Variants in CLN6 observed in about 807,000 individuals in gnomAD.
CLN6 encodes the protein ceroid-lipofuscinosis neuronal protein 6.
In CLN6, 22 loss-of-function variants were observed where a neutral mutation model predicts 33.3. That is an observed-to-expected ratio of 0.66 (90% CI 0.47 to 0.94). The LOEUF (loss-of-function observed/expected upper bound fraction) is 0.94. Ranked by LOEUF, CLN6 falls within the 40% of genes least tolerant of loss-of-function variation. The probability of loss-of-function intolerance (pLI) is 0.00; values close to 1 mark genes in which losing one functional copy is unlikely to be tolerated. For missense variants in CLN6, 387 were observed against 417.1 expected (o/e 0.93, Z 0.63); for synonymous variants, 201 against 174.6 (o/e 1.15, Z -1.19).
At chr15:68,224,216 T>C (rs995367723) in intron 1 of CLN6, among the ~76,000 whole-genome samples, 19 of 135,970 alleles carry the variant, frequency 1.4e-4, no homozygotes, top group African/African-American at 5.0e-4. Flanking sequence ...CAGTGAGCTA[T>C]GACCGTACCA....
Position 68,209,060 on chromosome 15 carries a change from G to C in CLN6, c.665+577C>G, listed in dbSNP as rs1383066251. On this transcript the variant is annotated intron_variant, in intron 6 of 6. Transcript: ENST00000249806. This position sits in a 1 kb window ranked among gnomAD's most constrained non-coding sequence, Gnocchi z 4.9. The stretch of plus-strand genomic sequence containing the variant: ...ACCTGTCTCCAGGGCAGAAGTGACA[G>C]ACGAGGGCTAGGAGACTGGCTGAGG... Among the ~76,000 whole-genome samples, 1 of 152,214 alleles carries C rather than the reference G, an allele frequency of 6.6e-6. No homozygotes were observed. Among genetic ancestry groups the C allele is most frequent in the Non-Finnish European group, 1.5e-5 (1 of 68,036 alleles).
upstream of CLN6, chr15:68,229,787 G>GGCGGAGCGGAGCGGA: frequency 5.8e-6 from 2 of 342,332 alleles, no homozygotes; most frequent in East Asian, 1.1e-4. Flanking sequence ...AGGGAGGCGG[G>GGCGGAGCGGAGCGGA]GCGGAGGGAG....
intron 1 of CLN6, among the ~76,000 whole-genome samples, chr15:68,254,163 G>A (rs1393832223): frequency 2.6e-5 from 4 of 151,510 alleles, no homozygotes; most frequent in African/African-American, 9.7e-5. Context: ...ACAGGCGTGA[G>A]CCACCGCGCC....
In CLN6 at chr15:68,211,830, A is replaced by G. The variant is rs1217014085; in HGVS notation, c.331T>C (p.Ser111Pro). Residue 111 changes from serine to proline, a missense_variant, in exon 4 of 7, where the codon TCC becomes CCC. Physicochemically the swap from Ser to Pro is moderately conservative, Grantham distance 74 (BLOSUM62 -1). Coordinates refer to ENST00000249806, the MANE Select transcript of CLN6 (RefSeq NM_017882.3). The surrounding 1 kb of genome is among the most constrained non-coding windows in gnomAD (Gnocchi z 5.9). ...ATGATGATGCTCACGTACGTGATGG[A>G]GCGTGGCAGGGTGCGGGGGGACCGC... ...IERSPRTLPR[S>P]ITYVSIIIFI... The G allele has an allele frequency of 6.2e-7, 1 of 1,613,686 alleles. No individual in the cohort carries two copies. Among genetic ancestry groups the G allele is most frequent in the Non-Finnish European group, 8.5e-7 (1 of 1,180,008 alleles).
Position 68,214,366 on chromosome 15 carries a change from A to C in CLN6, c.221T>G (p.Phe74Cys), listed in dbSNP as rs199658226. The C allele has an allele frequency of 5.0e-6, 8 of 1,613,632 alleles. No homozygotes were observed. The Admixed American group carries it at 1.0e-4, about 20-fold the overall frequency. Residue 74 changes from phenylalanine (F) to cysteine (C), a missense_variant, in exon 3 of 7, where the codon TTT (phenylalanine) becomes TGT (cysteine). Coordinates refer to ENST00000249806, the MANE Select transcript of CLN6 (RefSeq NM_017882.3). ...CCCAACACTGGGCTTGTTGAGTGGA[A>C]ACCACTCGAGAGGGAATACCAGCTG... ...IAMLVFPLEW[F>C]PLNKPSVGDY...
At chr15:68,243,599 A>G (rs1321409653) in intron 1 of CLN6, among the ~76,000 whole-genome samples, 1 of 152,118 alleles carries the variant, frequency 6.6e-6, no homozygotes, top group Non-Finnish European at 1.5e-5. Context: ...TACTAAAAGT[A>G]CAAAAATTAG....
intron 1 of CLN6, among the ~76,000 whole-genome samples, chr15:68,223,617 G>C (rs578067124): frequency 2.0e-5 from 3 of 152,122 alleles, no homozygotes; most frequent in Admixed American, 2.0e-4. Flanking sequence ...ACTTAGATGT[G>C]TGTATCTGGA....
In CLN6 at chr15:68,247,168, TAG is replaced by T. The variant is rs1354257837; in HGVS notation, c.179+9520_179+9521del. Among the ~76,000 whole-genome samples, 18 of 152,064 alleles carry T rather than the reference TAG, an allele frequency of 1.2e-4. No homozygotes were observed. Among genetic ancestry groups the T allele is most frequent in the African/African-American group, 4.3e-4 (18 of 41,442 alleles). On this transcript the variant is annotated intron_variant, in intron 1 of 6. Coordinates refer to the CLN6 transcript ENST00000538696. The surrounding 1 kb of genome is among the most constrained non-coding windows in gnomAD (Gnocchi z 4.2). ...TATTGGAAGTCCTGTCCATAGCAAT[TAG>T]GCAAGAGAAAGAAATAAAGAGAATC...
rs1366552590 is a variant in CLN6 at position 68,224,227 on chromosome 15, C to T, written c.83+5275G>A. Among the ~76,000 whole-genome samples, 4 of 130,102 alleles carry T rather than the reference C, an allele frequency of 3.1e-5. No homozygotes were observed. In the East Asian group the frequency reaches 9.9e-4, roughly 32 times the overall value. The allele number at this position is 130,102 out of a possible 152,430, so 85.4% of individuals were successfully genotyped here. On this transcript the variant is annotated intron_variant, in intron 1 of 6. Coordinates refer to ENST00000249806, the MANE Select transcript of CLN6 (RefSeq NM_017882.3). ...GCTGCAGTGAGCTATGACCGTACCA[C>T]TGCACTTTAGCCTGGGTGACAGAGT...
intron 1 of CLN6, among the ~76,000 whole-genome samples, chr15:68,222,203 C>A (rs1336457245): frequency 6.8e-6 from 1 of 147,658 alleles, no homozygotes; most frequent in Non-Finnish European, 1.5e-5. Flanking sequence ...AGGAGCACCT[C>A]TGCCCAGCCG....
chr15:68,215,279 C>CTG (rs2093217534), intron 2 of CLN6: 1 of 152,090 alleles, frequency 6.6e-6, no homozygotes, highest in South Asian at 2.1e-4. Flanking sequence ...CTCTCTCTCT[C>CTG]TCTCTTACTC....
chr15:68,234,929 A>G lies in CLN6; in HGVS notation c.180-16279T>C, dbSNP rs1434015935. Among the ~76,000 whole-genome samples, 2 of 152,206 alleles carry G rather than the reference A, an allele frequency of 1.3e-5. No individual in the cohort carries two copies. Among genetic ancestry groups the G allele is most frequent in the Non-Finnish European group, 2.9e-5 (2 of 68,038 alleles). On this transcript the variant is annotated intron_variant, in intron 1 of 6. Coordinates refer to the CLN6 transcript ENST00000538696. The surrounding 1 kb of genome is among the most constrained non-coding windows in gnomAD (Gnocchi z 4.1). ...CTACTCGGGAGGCTGAGGCAGGAGA[A>G]TTGCTTGAACCCGGGAGACGGAAGT...
intron 2 of CLN6, among the ~76,000 whole-genome samples, chr15:68,217,868 A>C (rs568363763): frequency 3.5e-5 from 5 of 142,598 alleles, no homozygotes; most frequent in African/African-American, 5.3e-5. Flanking sequence ...TCATCTGTCA[A>C]TTATCTACCT....
Position 68,256,951 on chromosome 15 carries a change from G to A in CLN6, c.-83C>T. On this transcript the variant is annotated 5_prime_UTR_variant, in exon 1 of 7. Coordinates refer to the CLN6 transcript ENST00000538696. This position sits in a 1 kb window ranked among gnomAD's most constrained non-coding sequence, Gnocchi z 4.1. The stretch of plus-strand genomic sequence containing the variant: ...ACCGCGTCGTGGGGCAGGGTGTAGT[G>A]ATGGTCACGCATCCCTTCCCTGGGC... 1.7e-6 allele frequency: 1 copy of A among 598,558 alleles called. No individual in the cohort carries two copies. The highest frequency in any genetic ancestry group is 3.0e-6 in the Non-Finnish European group (1 of 334,090). The allele number at this position is 598,558 out of a possible 1,614,324, so 37.1% of individuals were successfully genotyped here.
chr15:68,229,686 T>TCGGGGCGGGC lies in CLN6; in HGVS notation c.-112_-103dup, dbSNP rs1185282310. ...CCGCAAATTCCCAGCGCGGGGCGGT[T>TCGGGGCGGGC]CGGGGCGGGCCGGCGAGAGCGCGCG... On this transcript the variant is annotated 5_prime_UTR_variant, in exon 1 of 7. Coordinates refer to ENST00000249806, the MANE Select transcript of CLN6 (RefSeq NM_017882.3). 2.5e-5 allele frequency: 24 copies of TCGGGGCGGGC among 970,776 alleles called. No homozygotes were observed. The highest frequency in any genetic ancestry group is 3.3e-5 in the Non-Finnish European group (24 of 731,792). 60.1% of individuals were successfully genotyped at this position (970,776 alleles called of 1,614,324 possible). A position where few individuals can be genotyped will look rare whatever the true frequency, so the allele number is the denominator to read the frequency against.
upstream of CLN6, among the ~76,000 whole-genome samples, chr15:68,231,355 G>A (rs965611383): frequency 6.6e-6 from 1 of 152,216 alleles, no homozygotes; most frequent in African/African-American, 2.4e-5. Flanking sequence ...AGGAGAACAG[G>A]TGATTGTCTC....
At chr15:68,218,370 T>C in intron 2 of CLN6, 166 bp downstream of exon 2, 1 of 591,020 alleles carries the variant, frequency 1.7e-6, no homozygotes, top group Non-Finnish European at 3.1e-6. Context: ...GGCAGTTGCC[T>C]GACGGGCCAA....
chr15:68,216,702 A>G (rs1054390489), intron 2 of CLN6, among the ~76,000 whole-genome samples: 1 of 152,232 alleles, frequency 6.6e-6, no homozygotes, highest in African/African-American at 2.4e-5. Flanking sequence ...CCAGTCCCTA[A>G]TGCTGGACAC....
chr15:68,208,295 A>G lies in CLN6; in HGVS notation c.781T>C (p.Phe261Leu). The G allele has an allele frequency of 6.2e-7, 1 of 1,614,178 alleles. No homozygotes were observed. Among genetic ancestry groups the G allele is most frequent in the Non-Finnish European group, 8.5e-7 (1 of 1,180,046 alleles). ...KRLFLDSNGL[F>L]LFSSFALTLL... ...GTCAGTGCGAAGGAGGAGAAGAGGA[A>G]GAGGCCGTTGCTGTCCAGGAAGAGG... The change falls in exon 7 of 7, where the codon TTC (phenylalanine) becomes CTC (leucine). Residue 261 changes from phenylalanine to leucine, a missense_variant. By Grantham distance (22) the Phe-to-Leu change is conservative. Transcript: ENST00000249806. The surrounding 1 kb of genome is among the most constrained non-coding windows in gnomAD (Gnocchi z 5.8).
Sources: allele counts gnomAD v4.1 joint callset (sites outside exome capture counted in the v4.1 genomes callset), GRCh38; gene constraint gnomAD v4.1.1; non-coding constraint Gnocchi (gnomAD v3.1); transcripts MANE v1.5; gene names NCBI Gene and HGNC (gene_info 2026-07-23, HGNC 2026-07-21).